Variants in PSD3 observed in about 807,000 individuals in gnomAD.
The protein encoded by PSD3 is PH and SEC7 domain-containing protein 3.
Under a neutral mutation model 105.5 loss-of-function variants are expected in PSD3, and 49 were observed. The ratio of observed to expected loss-of-function variants is 0.46; its 90% CI spans 0.37 to 0.59. The LOEUF (loss-of-function observed/expected upper bound fraction) is 0.59, where lower values mean the gene tolerates loss of function less well. Among genes scored for constraint, PSD3 ranks in the 20% least tolerant of loss-of-function variants. The pLI, the probability that PSD3 is intolerant of heterozygous loss-of-function variation, is 0.00. For missense variants in PSD3, 1,561 were observed against 1,263.8 expected (o/e 1.24, Z -3.57); for synonymous variants, 557 against 457.8 (o/e 1.22, Z -2.77).
chr8:18,956,066 C>A (rs376569862), intron 1 of PSD3, among the ~76,000 whole-genome samples: 11 of 152,036 alleles, frequency 7.2e-5, no homozygotes, highest in Non-Finnish European at 1.3e-4. Flanking sequence ...CCATGCCCGG[C>A]CTATATTTTA....
At chr8:18,888,590 A>G (rs1476918441) in intron 2 of PSD3, among the ~76,000 whole-genome samples, 2 of 152,192 alleles carry the variant, frequency 1.3e-5, no homozygotes, top group Non-Finnish European at 2.9e-5. Context: ...ATAAAAGCTC[A>G]AGGTTTTATT....
intron 4 of PSD3, among the ~76,000 whole-genome samples, chr8:18,807,471 C>A (rs931073393): frequency 1.3e-5 from 2 of 152,196 alleles, no homozygotes; most frequent in Non-Finnish European, 2.9e-5. Flanking sequence ...AAAATGTCAA[C>A]TCACACATTC....
At chr8:18,842,717 A>T (rs1371031868) in intron 4 of PSD3, among the ~76,000 whole-genome samples, 1 of 150,212 alleles carries the variant, frequency 6.7e-6, no homozygotes, top group Non-Finnish European at 1.5e-5. Context: ...TGGGCGACAA[A>T]GCGAGACTCC....
At chr8:18,697,024 C>T (rs1485068326) in intron 9 of PSD3, among the ~76,000 whole-genome samples, 1 of 33,364 alleles carries the variant, frequency 3.0e-5, no homozygotes, top group Admixed American at 2.0e-4. Context: ...GGGAGGATCA[C>T]TTGAGCCCAG....
Position 18,738,779 on chromosome 8 carries a change from C to T in PSD3, c.2172+26670G>A, listed in dbSNP as rs193191467. 1.9e-3 allele frequency among the ~76,000 whole-genome samples: 293 copies of T among 151,988 alleles called. 2 individuals are homozygous for T. Among genetic ancestry groups the T allele is most frequent in the African/African-American group, 6.4e-3 (266 of 41,428 alleles). ...ACTGACTGATCACTTTCCAGAAATG[C>T]TATTCTTGGATTGCTAAGAAGTAAG... is the stretch of plus-strand genomic sequence containing the variant. On this transcript the variant is annotated intron_variant, in intron 9 of 15. Transcript: ENST00000327040.
chr8:18,827,879 C>T (rs1455781690), intron 4 of PSD3, among the ~76,000 whole-genome samples: 2 of 149,532 alleles, frequency 1.3e-5, no homozygotes, highest in Admixed American at 6.7e-5. Flanking sequence ...CTTTAGCCAA[C>T]CTTTAAGCAA....
intron 9 of PSD3, among the ~76,000 whole-genome samples, chr8:18,677,181 G>A (rs1319798462): frequency 2.0e-5 from 3 of 152,188 alleles, no homozygotes; most frequent in Admixed American, 6.5e-5. Flanking sequence ...CAGATACAGA[G>A]GAACTAGAGG....
intron 1 of PSD3, among the ~76,000 whole-genome samples, chr8:19,062,732 T>G (rs1298507461): frequency 6.6e-6 from 1 of 152,208 alleles, no homozygotes; most frequent in Non-Finnish European, 1.5e-5. Flanking sequence ...AGTCCACATT[T>G]TTGGGAAACG....
intron 1 of PSD3, among the ~76,000 whole-genome samples, chr8:19,022,023 C>T (rs1306886735): frequency 1.3e-5 from 2 of 152,184 alleles, no homozygotes; most frequent in Non-Finnish European, 2.9e-5. Context: ...TCTGGCGAGA[C>T]TCAGGAAGCT....
intron 9 of PSD3, among the ~76,000 whole-genome samples, chr8:18,691,210 C>T (rs750183007): frequency 2.6e-5 from 4 of 152,226 alleles, no homozygotes; most frequent in South Asian, 2.1e-4. Flanking sequence ...GGGGAACACC[C>T]GTATAAGTTA....
rs77533262 is a variant in PSD3, at chr8:18,915,639, A to C, written c.130+20395T>G. Among the ~76,000 whole-genome samples the C allele has an allele frequency of 2.5e-3, 386 of 152,332 alleles. 2 individuals carry two copies. Among genetic ancestry groups the C allele is most frequent in the Middle Eastern group, 0.01 (3 of 294 alleles). On this transcript the variant is annotated intron_variant, in intron 2 of 15. Transcript: ENST00000327040. ...ATATTTTAAAATGCTGAATGTCACT[A>C]ATCATCATCCAGAAAAAGCAAATGA...
chr8:19,082,938 A>T (rs777939373), intron 1 of PSD3, among the ~76,000 whole-genome samples: 18 of 152,206 alleles, frequency 1.2e-4, no homozygotes, highest in Admixed American at 2.0e-4. Flanking sequence ...CCGTTTCTTA[A>T]CTGTGGCTAC....
intron 4 of PSD3, among the ~76,000 whole-genome samples, chr8:18,844,890 C>T (rs947734059): frequency 5.9e-5 from 9 of 152,130 alleles, no homozygotes; most frequent in Admixed American, 1.3e-4. Context: ...CGCTGGGATC[C>T]GAAACAAGTG....
intron 1 of PSD3, among the ~76,000 whole-genome samples, chr8:19,077,946 T>C (rs1354136189): frequency 6.6e-6 from 1 of 152,174 alleles, no homozygotes; most frequent in East Asian, 1.9e-4. Context: ...GAATCCATGA[T>C]AGTCATTTGA....
intron 2 of PSD3, among the ~76,000 whole-genome samples, chr8:18,934,647 A>G (rs568988376): frequency 4.9e-4 from 74 of 152,294 alleles, no homozygotes; most frequent in Non-Finnish European, 9.0e-4. Context: ...CATTCTCAAA[A>G]TAATTCTAAG....
chr8:18,566,635 G>A (rs1330555611), intron 14 of PSD3, among the ~76,000 whole-genome samples: 1 of 152,142 alleles, frequency 6.6e-6, no homozygotes, highest in South Asian at 2.1e-4. Flanking sequence ...CAATTCAGTG[G>A]GGTGGCGGAG....
chr8:18,957,510 C>G (rs913900743), intron 1 of PSD3, among the ~76,000 whole-genome samples: 4 of 135,812 alleles, frequency 2.9e-5, no homozygotes, highest in African/African-American at 1.1e-4. Context: ...AATTCCACAT[C>G]TCATCCATCT....
chr8:18,976,188 A>C (rs1824934535), intron 1 of PSD3, among the ~76,000 whole-genome samples: 1 of 136,064 alleles, frequency 7.3e-6, no homozygotes. Flanking sequence ...TTCAAAATCT[A>C]ATTTCTTTAT....
intron 10 of PSD3, among the ~76,000 whole-genome samples, chr8:18,649,887 C>T (rs1808345212): frequency 6.6e-6 from 1 of 152,298 alleles, no homozygotes; most frequent in South Asian, 2.1e-4. Flanking sequence ...CTCTTTGCCT[C>T]CTGTCATGAC....
Sources: gnomAD v4.1 joint callset for allele counts (sites outside exome capture counted in the v4.1 genomes callset) on GRCh38, gnomAD v4.1.1 for gene constraint, MANE v1.5 for transcripts, NCBI Gene and HGNC (gene_info 2026-07-23, HGNC 2026-07-21) for gene names.